Variants in SIPA1L3 observed in about 807,000 individuals in gnomAD.
SIPA1L3 encodes signal-induced proliferation-associated 1-like protein 3.
SIPA1L3 carries 59 observed loss-of-function variants against 150.1 expected under a neutral mutation model. The ratio of observed to expected loss-of-function variants is 0.39; its 90% CI spans 0.32 to 0.49. The LOEUF (loss-of-function observed/expected upper bound fraction) is 0.49. SIPA1L3 is among the 20% of genes least tolerant of loss of function. The probability of loss-of-function intolerance (pLI) is 0.86; values close to 1 mark genes in which losing one functional copy is unlikely to be tolerated. For missense variants in SIPA1L3, 2,211 were observed against 2,489.5 expected (o/e 0.89, Z 2.38); for synonymous variants, 1,070 against 1,077.6 (o/e 0.99, Z 0.14).
intron 8 of SIPA1L3, among the ~76,000 whole-genome samples, chr19:38,111,722 T>A (rs1479807415): frequency 6.6e-6 from 1 of 152,220 alleles, no homozygotes; most frequent in African/African-American, 2.4e-5. Context: ...TGGCAGGGCC[T>A]CCTTACAGGC....
intron 2 of SIPA1L3, among the ~76,000 whole-genome samples, chr19:38,080,070 A>C (rs1969941544): frequency 6.6e-6 from 1 of 152,204 alleles, no homozygotes; most frequent in African/African-American, 2.4e-5. Flanking sequence ...GTTTTAATGC[A>C]GTAAGTAGTC....
intron 1 of SIPA1L3, among the ~76,000 whole-genome samples, chr19:37,914,374 A>T (rs1174047123): frequency 2.1e-5 from 3 of 144,520 alleles, no homozygotes; most frequent in Non-Finnish European, 3.0e-5. Flanking sequence ...TACTACTTTA[A>T]TTTTTTTTTT....
intron 1 of SIPA1L3, among the ~76,000 whole-genome samples, chr19:37,971,407 C>G (rs1966931863): frequency 6.6e-6 from 1 of 152,168 alleles, no homozygotes; most frequent in Admixed American, 6.6e-5. Flanking sequence ...TCCCGCTTCC[C>G]TGATTCTGCC....
In SIPA1L3 at chr19:38,031,623, C is replaced by T. The variant is rs564557281; in HGVS notation, c.-311+2467C>T. On this transcript the variant is annotated intron_variant, in intron 2 of 21. Transcript: ENST00000222345. ...CTGTGACATCAATGCATCATATTTC[C>T]GGTAATGTTCACCTAGATCACTTGG... 1.3e-3 allele frequency among the ~76,000 whole-genome samples: 202 copies of T among 152,270 alleles called. 1 individual carries two copies. The highest frequency in any genetic ancestry group is 4.6e-3 in the African/African-American group (192 of 41,536).
intron 16 of SIPA1L3, among the ~76,000 whole-genome samples, chr19:38,188,535 C>G (rs1368784644): frequency 6.6e-6 from 1 of 152,062 alleles, no homozygotes; most frequent in Non-Finnish European, 1.5e-5. Context: ...TCCTGTCAGT[C>G]AGAACCTGGA....
At chr19:38,102,044 C>G (rs1006312568) in intron 6 of SIPA1L3, among the ~76,000 whole-genome samples, 17 of 148,692 alleles carry the variant, frequency 1.1e-4, no homozygotes, top group Non-Finnish European at 2.4e-4. Flanking sequence ...CTTTTCTTTT[C>G]TTTTCTTTTT....
At chr19:38,005,319 G>T (rs1459837445) in intron 1 of SIPA1L3, among the ~76,000 whole-genome samples, 1 of 152,042 alleles carries the variant, frequency 6.6e-6, no homozygotes, top group Non-Finnish European at 1.5e-5. Flanking sequence ...CCCAGACCCT[G>T]CTTGCTCTGG....
chr19:38,138,831 G>A (rs1971497064), intron 10 of SIPA1L3, among the ~76,000 whole-genome samples: 1 of 145,622 alleles, frequency 6.9e-6, no homozygotes, highest in Non-Finnish European at 1.5e-5. Flanking sequence ...CTGGGAGGCA[G>A]AGGTTGCAGT....
At chr19:38,056,840 T>G (rs946795908) in intron 2 of SIPA1L3, among the ~76,000 whole-genome samples, 1 of 152,174 alleles carries the variant, frequency 6.6e-6, no homozygotes, top group Non-Finnish European at 1.5e-5. Flanking sequence ...GGTGGATCAC[T>G]TGAGGTCAGG....
intron 2 of SIPA1L3, among the ~76,000 whole-genome samples, chr19:38,041,937 T>A (rs948462124): frequency 2.0e-5 from 3 of 152,236 alleles, no homozygotes; most frequent in Non-Finnish European, 4.4e-5. Flanking sequence ...TCTCCATAAA[T>A]TTTGAATATT....
At chr19:37,951,598 C>A (rs77977288) in intron 1 of SIPA1L3, among the ~76,000 whole-genome samples, 2 of 151,812 alleles carry the variant, frequency 1.3e-5, no homozygotes, top group Admixed American at 6.6e-5. Context: ...GGAAAAAAAA[C>A]AACTTAAAAA....
Position 38,195,800 on chromosome 19 carries a change from CCG to C in SIPA1L3, c.4840+2022_4840+2023del, listed in dbSNP as rs1170125780. 7.5e-4 allele frequency among the ~76,000 whole-genome samples: 84 copies of C among 111,846 alleles called. 4 individuals are homozygous for C. The highest frequency in any genetic ancestry group is 2.0e-3 in the African/African-American group (47 of 23,970). 73.4% of individuals were successfully genotyped at this position (111,846 alleles called of 152,430 possible). The stretch of plus-strand genomic sequence containing the variant: ...GCACCACCACAGGCCCCGTCCCCCC[CCG>C]CCCCCCCGGGTTTCTCTCACCCCCC... On this transcript the variant is annotated intron_variant, in intron 18 of 21. Transcript: ENST00000222345.
chr19:38,049,780 A>G (rs1969148036), intron 2 of SIPA1L3, among the ~76,000 whole-genome samples: 1 of 152,024 alleles, frequency 6.6e-6, no homozygotes. Flanking sequence ...CGTTCCCCCG[A>G]GAGCACAGGA....
rs188007106 is a variant in SIPA1L3 at position 37,988,591 on chromosome 19, G to A, written c.-378-40498G>A. Among the ~76,000 whole-genome samples, 24 of 152,186 alleles carry A rather than the reference G, an allele frequency of 1.6e-4. No individual in the cohort carries two copies. The East Asian group carries it at 4.4e-3, about 28-fold the overall frequency. On this transcript the variant is annotated intron_variant, in intron 1 of 21. Transcript: ENST00000222345. ...CTCGGGAGGCTGAGGCAGGAGAATC[G>A]CTTGAACCCAGGAGACAGAGGTTGT...
At chr19:38,149,582 A>G (rs937184986) in intron 12 of SIPA1L3, among the ~76,000 whole-genome samples, 3 of 152,194 alleles carry the variant, frequency 2.0e-5, no homozygotes, top group African/African-American at 7.2e-5. Context: ...CTTTCCCCAC[A>G]TTGACGGGAA....
intron 20 of SIPA1L3, chr19:38,203,923 G>A (rs138913462): frequency 1.4e-5 from 8 of 572,692 alleles, no homozygotes; most frequent in East Asian, 2.9e-5. Flanking sequence ...CTAACACCCC[G>A]TCCACATCCA....
intron 9 of SIPA1L3, among the ~76,000 whole-genome samples, chr19:38,125,154 GC>G (rs1267888186): frequency 6.6e-6 from 1 of 152,152 alleles, no homozygotes; most frequent in African/African-American, 2.4e-5. Flanking sequence ...TCCTGTCTCA[GC>G]CCCCCAGGTA....
chr19:37,941,339 C>T (rs1397482804), intron 1 of SIPA1L3, among the ~76,000 whole-genome samples: 1 of 152,116 alleles, frequency 6.6e-6, no homozygotes, highest in South Asian at 2.1e-4. Flanking sequence ...CTAGAGAGAA[C>T]CTGCCCCTCA....
intron 1 of SIPA1L3, among the ~76,000 whole-genome samples, chr19:37,992,475 A>AC (rs937620222): frequency 6.6e-6 from 1 of 151,854 alleles, no homozygotes; most frequent in African/African-American, 2.4e-5. Context: ...ACACGGCGAG[A>AC]CCCCGTCTCT....
Sources: gnomAD v4.1 joint callset for allele counts (sites outside exome capture counted in the v4.1 genomes callset) on GRCh38, gnomAD v4.1.1 for gene constraint, MANE v1.5 for transcripts, NCBI Gene and HGNC (gene_info 2026-07-23, HGNC 2026-07-21) for gene names.